Variants in ZCCHC7 observed in about 807,000 individuals in gnomAD.
The protein encoded by ZCCHC7 is zinc finger CCHC domain-containing protein 7.
In ZCCHC7, 35 loss-of-function variants were observed where a neutral mutation model predicts 52.0. The ratio of observed to expected loss-of-function variants is 0.67; its 90% CI spans 0.51 to 0.89. ZCCHC7 has a LOEUF of 0.89. Among genes scored for constraint, ZCCHC7 ranks in the 40% least tolerant of loss-of-function variants. The pLI is 0.00. For missense variants in ZCCHC7, 574 were observed against 649.1 expected (o/e 0.88, Z 1.26); for synonymous variants, 217 against 221.5 (o/e 0.98, Z 0.18).
chr9:37,235,296 C>G (rs1049945343), intron 2 of ZCCHC7, among the ~76,000 whole-genome samples: 2 of 152,082 alleles, frequency 1.3e-5, no homozygotes, highest in Non-Finnish European at 2.9e-5. Context: ...ACTATTCTAC[C>G]CTGTACATCT....
chr9:37,188,516 C>A (rs1822793819), intron 2 of ZCCHC7, among the ~76,000 whole-genome samples: 1 of 106,198 alleles, frequency 9.4e-6, no homozygotes, highest in Non-Finnish European at 2.0e-5. Flanking sequence ...TTCCCCCTCC[C>A]CCCTCTCCCC....
chr9:37,172,776 A>G (rs1402057678), intron 2 of ZCCHC7, among the ~76,000 whole-genome samples: 5 of 150,228 alleles, frequency 3.3e-5, no homozygotes, highest in East Asian at 2.0e-4. Flanking sequence ...GGGCATTGCA[A>G]TAGGGACTTG....
At chr9:37,213,389 T>C (rs1824340457) in intron 2 of ZCCHC7, among the ~76,000 whole-genome samples, 1 of 152,178 alleles carries the variant, frequency 6.6e-6, no homozygotes, top group Admixed American at 6.5e-5. Flanking sequence ...ACTTAGAAAT[T>C]ATATTGGTAA....
chr9:37,278,763 A>G (rs1827809908), intron 2 of ZCCHC7, among the ~76,000 whole-genome samples: 1 of 152,234 alleles, frequency 6.6e-6, no homozygotes, highest in African/African-American at 2.4e-5. Flanking sequence ...GGCCAAATGC[A>G]GTAGAACACC....
intron 2 of ZCCHC7, among the ~76,000 whole-genome samples, chr9:37,199,740 C>G (rs558623095): frequency 5.4e-5 from 8 of 147,674 alleles, no homozygotes; most frequent in Middle Eastern, 4.1e-3. Flanking sequence ...CCTTTTCTCT[C>G]TGTTGTCCAG....
At chr9:37,271,709 G>A (rs1254565274) in intron 2 of ZCCHC7, among the ~76,000 whole-genome samples, 1 of 151,978 alleles carries the variant, frequency 6.6e-6, no homozygotes, top group Non-Finnish European at 1.5e-5. Context: ...AGCTGGGACT[G>A]TGGGGGTGCG....
At chr9:37,228,937 G>A (rs1201925980) in intron 2 of ZCCHC7, among the ~76,000 whole-genome samples, 1 of 112,550 alleles carries the variant, frequency 8.9e-6, no homozygotes, top group South Asian at 2.8e-4. Flanking sequence ...CCAGGTTCAA[G>A]CAGTTCTCCT....
chr9:37,131,561 CT>C (rs1346230621), intron 2 of ZCCHC7, among the ~76,000 whole-genome samples: 3 of 151,484 alleles, frequency 2.0e-5, no homozygotes, highest in Non-Finnish European at 4.4e-5. Flanking sequence ...AGGAGAATTG[CT>C]TCAACCTGGG....
At chr9:37,317,362 G>A (rs1829867764) in intron 5 of ZCCHC7, among the ~76,000 whole-genome samples, 1 of 152,200 alleles carries the variant, frequency 6.6e-6, no homozygotes, top group South Asian at 2.1e-4. Flanking sequence ...AACAGTGAAA[G>A]CAAGAAAGCC....
At chr9:37,255,458 GA>G (rs1406243408) in intron 2 of ZCCHC7, among the ~76,000 whole-genome samples, 2 of 152,050 alleles carry the variant, frequency 1.3e-5, no homozygotes, top group African/African-American at 4.8e-5. Context: ...TCCTCATGGG[GA>G]CAGTGCAAGA....
intron 2 of ZCCHC7, among the ~76,000 whole-genome samples, chr9:37,248,558 C>T (rs532720024): frequency 5.9e-5 from 9 of 152,020 alleles, no homozygotes; most frequent in Non-Finnish European, 1.2e-4. Flanking sequence ...GTTGCCCAAC[C>T]CTTCTAAGTA....
chr9:37,357,078 C>T lies in ZCCHC7; in HGVS notation c.1442C>T (p.Ser481Phe). Residue 481 changes from serine (S) to phenylalanine (F), a missense_variant, in exon 9 of 9, where the codon TCT becomes TTT. By Grantham distance (155) the Ser-to-Phe change is radical. This residue lies in a region of ZCCHC7 where 168 missense variants were observed against 171.6 expected (regional missense o/e 0.98). Transcript: ENST00000336755. ...TTTCCCAGGGGCCCCAAAACCTACT[C>T]TTCTCCTGGCAGTTTTAAAACCCAG... Reference protein sequence around the residue: ...EDFPRGPKTYSSPGSFKTQKP... With the variant: ...EDFPRGPKTYFSPGSFKTQKP... 6.2e-7 allele frequency: 1 copy of T among 1,613,822 alleles called. No individual in the cohort carries two copies. The highest frequency in any genetic ancestry group is 8.5e-7 in the Non-Finnish European group (1 of 1,179,956).
intron 2 of ZCCHC7, among the ~76,000 whole-genome samples, chr9:37,195,447 G>T (rs547110190): frequency 6.6e-6 from 1 of 152,210 alleles, no homozygotes; most frequent in Admixed American, 6.5e-5. Context: ...GAAAAATGCT[G>T]CTCATTAGCA....
chr9:37,336,357 A>C (rs189670874), intron 6 of ZCCHC7, among the ~76,000 whole-genome samples: 1 of 152,308 alleles, frequency 6.6e-6, no homozygotes, highest in Non-Finnish European at 1.5e-5. Context: ...TAAGACAAGC[A>C]AAGGCTCAGA....
At chr9:37,240,682 A>T (rs1326963119) in intron 2 of ZCCHC7, among the ~76,000 whole-genome samples, 2 of 151,954 alleles carry the variant, frequency 1.3e-5, no homozygotes, top group Non-Finnish European at 2.9e-5. Context: ...TTCATCCTTC[A>T]ATTCCTAAGA....
intron 2 of ZCCHC7, among the ~76,000 whole-genome samples, chr9:37,271,705 G>A (rs1489614485): frequency 1.3e-5 from 2 of 152,136 alleles, no homozygotes; most frequent in Non-Finnish European, 2.9e-5. Context: ...GAGTAGCTGG[G>A]ACTGTGGGGG....
intron 2 of ZCCHC7, among the ~76,000 whole-genome samples, chr9:37,301,264 C>T (rs1266731981): frequency 1.3e-5 from 2 of 152,094 alleles, no homozygotes; most frequent in Non-Finnish European, 2.9e-5. Context: ...AAGGAGCACT[C>T]AATATCAGTA....
intron 2 of ZCCHC7, among the ~76,000 whole-genome samples, chr9:37,282,604 CAAAAAAAAA>C (rs60743608): frequency 1.8e-3 from 96 of 52,514 alleles, no homozygotes; most frequent in African/African-American, 7.4e-3. Flanking sequence ...GACTCTGTCT[CAAAAAAAAA>C]AAAAAAAAAA....
intron 2 of ZCCHC7, among the ~76,000 whole-genome samples, chr9:37,191,042 A>G (rs1328922349): frequency 1.3e-5 from 2 of 151,928 alleles, no homozygotes; most frequent in African/African-American, 4.8e-5. Flanking sequence ...AAAAAAGAAT[A>G]CATGCATTAG....
Sources: gnomAD v4.1 joint callset for allele counts (sites outside exome capture counted in the v4.1 genomes callset) on GRCh38, gnomAD v4.1.1 for gene constraint, gnomAD v4.1.1 regional missense constraint, MANE v1.5 for transcripts, NCBI Gene and HGNC (gene_info 2026-07-23, HGNC 2026-07-21) for gene names.